GMEB2: variants seen among roughly 807,000 people sequenced by gnomAD.
GMEB2 encodes the protein glucocorticoid modulatory element binding protein 2.
GMEB2 carries 7 observed loss-of-function variants against 45.7 expected under a neutral mutation model. That is an observed-to-expected ratio of 0.15 (90% CI 0.09 to 0.29). The LOEUF (loss-of-function observed/expected upper bound fraction) is 0.29. GMEB2 is among the 10% of genes least tolerant of loss of function. The pLI is 1.00. For synonymous variants in GMEB2, 322 were observed against 323.6 expected (o/e 1.00, Z 0.05); for missense variants, 582 against 739.2 (o/e 0.79, Z 2.47).
At chr20:63,614,155 T>C (rs1350853335) in intron 2 of GMEB2, among the ~76,000 whole-genome samples, 1 of 152,118 alleles carries the variant, frequency 6.6e-6, no homozygotes, top group Non-Finnish European at 1.5e-5. Flanking sequence ...ATAAGAATAG[T>C]TATACTAGAT....
chr20:63,613,521 CTTT>C (rs11481490), intron 2 of GMEB2, among the ~76,000 whole-genome samples: 6 of 139,526 alleles, frequency 4.3e-5, no homozygotes, highest in African/African-American at 7.9e-5. Flanking sequence ...TTTTTGTTTT[CTTT>C]TTTTTTTTTT....
rs144767542 is a variant in GMEB2 at position 63,588,464 on chromosome 20, C to T, written c.*1625G>A. 1.1e-3 allele frequency: 328 copies of T among 306,928 alleles called. 2 individuals carry two copies. Among genetic ancestry groups the T allele is most frequent in the African/African-American group, 6.7e-3 (313 of 46,754 alleles). 19.0% of individuals were successfully genotyped at this position (306,928 alleles called of 1,614,324 possible). ...AACTAGAGTGGAAATGAGTTTAAAA[C>T]GGAGTATGTACATCAAAAGATCAAC... On this transcript the variant is annotated 3_prime_UTR_variant, in exon 10 of 10. Transcript: ENST00000370077.
chr20:63,592,543 C>G lies in GMEB2; in HGVS notation c.819G>C (p.Leu273=), dbSNP rs2083156532. Residue 273 remains leucine (L), a synonymous_variant, in exon 8 of 10, where the codon CTG becomes CTC. Transcript: ENST00000370077. This position sits in a 1 kb window ranked among gnomAD's most constrained non-coding sequence, Gnocchi z 8.2. ...GATGCAGCTTCTCACCTCGAAGCTG[C>G]AGGGGAGGGTCCTGGACCCGCTGCT... ...GLQQRVQDPP[L]QLRDAVLLNN... is the part of the protein sequence containing the mutation. 1.2e-6 allele frequency: 2 copies of G among 1,610,842 alleles called. No homozygotes were observed. The highest frequency in any genetic ancestry group is 1.3e-5 in the African/African-American group (1 of 74,790).
At chr20:63,620,507 A>G (rs1021889605) in intron 1 of GMEB2, among the ~76,000 whole-genome samples, 10 of 152,350 alleles carry the variant, frequency 6.6e-5, no homozygotes, top group African/African-American at 1.9e-4. Flanking sequence ...GATGGCACAC[A>G]GCTGTGTGTG....
chr20:63,595,666 G>C lies in GMEB2; in HGVS notation c.563C>G (p.Ser188Cys). Residue 188 changes from serine (S) to cysteine (C), a missense_variant, in exon 6 of 10, where the codon TCC (serine) becomes TGC (cysteine). Coordinates refer to ENST00000370077, the MANE Select transcript of GMEB2 (RefSeq NM_012384.5). ...CTCGGCCGACGTGGGGCTGCTCAGGGACACACGGGCTCCTGAGAGGTCAAT... is the reference window on the plus strand; with the variant it reads ...CTCGGCCGACGTGGGGCTGCTCAGGCACACACGGGCTCCTGAGAGGTCAAT... The part of the protein sequence containing the change: ...TKIDLSGARV[S>C]LSSPTSAEYI... 1 of 1,613,718 alleles carries C rather than the reference G, an allele frequency of 6.2e-7. No individual in the cohort carries two copies. The highest frequency in any genetic ancestry group is 8.5e-7 in the Non-Finnish European group (1 of 1,179,716).
At chr20:63,608,834 A>C (rs1156871424) in intron 2 of GMEB2, among the ~76,000 whole-genome samples, 11 of 25,200 alleles carry the variant, frequency 4.4e-4, no homozygotes, top group Admixed American at 1.7e-3. Flanking sequence ...CCTCTGACCC[A>C]CACCTCCATT....
Position 63,602,954 on chromosome 20 carries a change from C to G in GMEB2, c.357+11G>C. The G allele has an allele frequency of 6.2e-7, 1 of 1,612,932 alleles. No individual in the cohort carries two copies. The highest frequency in any genetic ancestry group is 2.2e-5 in the East Asian group (1 of 44,876). On this transcript the variant is annotated intron_variant, in intron 4 of 9. Transcript: ENST00000370077. ...CCTCTCTCCTGGGCCCTGAATGCAG[C>G]CTGTGCTCACCTGAACACATTTCAC... is the stretch of plus-strand genomic sequence containing the variant.
intron 2 of GMEB2, among the ~76,000 whole-genome samples, chr20:63,606,452 A>C (rs1310917255): frequency 2.0e-5 from 3 of 149,842 alleles, no homozygotes; most frequent in Non-Finnish European, 4.4e-5. Flanking sequence ...GGTTCACACC[A>C]TTCTCCTGCC....
At chr20:63,616,405 C>T (rs1325861028) in intron 2 of GMEB2, among the ~76,000 whole-genome samples, 1 of 152,210 alleles carries the variant, frequency 6.6e-6, no homozygotes, top group African/African-American at 2.4e-5. Flanking sequence ...GATCATGCCA[C>T]TGCACTCCAG....
intron 2 of GMEB2, among the ~76,000 whole-genome samples, chr20:63,612,986 C>G (rs1351537657): frequency 6.6e-6 from 1 of 151,694 alleles, no homozygotes; most frequent in Non-Finnish European, 1.5e-5. Context: ...TTCGGAGACG[C>G]AGTCTCACTC....
rs1486925254 is a variant in GMEB2, at chr20:63,619,696, G to C, written c.-57-242C>G. 9 of 229,660 alleles carry C rather than the reference G, an allele frequency of 3.9e-5. No individual in the cohort carries two copies. The highest frequency in any genetic ancestry group is 7.8e-5 in the Non-Finnish European group (9 of 115,980). 14.2% of individuals were successfully genotyped at this position (229,660 alleles called of 1,614,324 possible). On this transcript the variant is annotated intron_variant, in intron 1 of 9. Coordinates refer to ENST00000370077, the MANE Select transcript of GMEB2 (RefSeq NM_012384.5). This position sits in a 1 kb window ranked among gnomAD's most constrained non-coding sequence, Gnocchi z 4.6. The stretch of plus-strand genomic sequence containing the variant: ...GAAACCCTTGGGTAGAAAGCACAGA[G>C]CCACTCCCTCCACGTGGGGCTCAGA...
chr20:63,604,979 G>A (rs904982259), intron 2 of GMEB2, 139 bp from the exon 3 acceptor site: 12 of 618,464 alleles, frequency 1.9e-5, no homozygotes, highest in Admixed American at 4.5e-5. Flanking sequence ...GGCCGGGTGC[G>A]GTGGCTCAAG....
chr20:63,595,995 A>G (rs1173276136), intron 5 of GMEB2, among the ~76,000 whole-genome samples: 2 of 152,184 alleles, frequency 1.3e-5, no homozygotes, highest in African/African-American at 4.8e-5. Flanking sequence ...CACTGTCCCC[A>G]GGAAGGGGGC....
chr20:63,602,426 C>G lies in GMEB2; in HGVS notation c.357+539G>C, dbSNP rs2146066872. On this transcript the variant is annotated intron_variant, in intron 4 of 9. Coordinates refer to ENST00000370077, the MANE Select transcript of GMEB2 (RefSeq NM_012384.5). ...CTCCAGCCCTGCAAGGCTGGGAAAA[C>G]CAAGCTCAGGCCAAGGCTCTCAGGG... 3.3e-5 allele frequency among the ~76,000 whole-genome samples: 5 copies of G among 152,346 alleles called. 2 individuals carry two copies. In the South Asian group the frequency reaches 1.0e-3, roughly 32 times the overall value.
At chr20:63,610,676 GAGA>G (rs1358234742) in intron 2 of GMEB2, among the ~76,000 whole-genome samples, 1 of 152,224 alleles carries the variant, frequency 6.6e-6, no homozygotes, top group Admixed American at 6.5e-5. Context: ...TCTCTTCTCA[GAGA>G]AGAAGGCGCA....
At position 63,604,771 on chromosome 20, in the gene GMEB2, G is replaced by A. The variant is rs1051161685; in HGVS notation, c.201C>T (p.Ala67=). The A allele has an allele frequency of 6.2e-6, 10 of 1,609,828 alleles. No homozygotes were observed. Among genetic ancestry groups the A allele is most frequent in the Non-Finnish European group, 8.5e-6 (10 of 1,176,232 alleles). ...ACACGGCTTCCTTGAGCTGGGAGGA[G>A]GCTGTGAAGGCCGCGGCAGCTGCTG... ...AAAAAAAAFT[A]SSQLKEAVLV... The change falls in exon 3 of 10, where the codon GCC becomes GCT. Residue 67 remains alanine (A), a synonymous_variant. Transcript: ENST00000370077.
At chr20:63,626,688 G>A (rs1487030769) in intron 1 of GMEB2, among the ~76,000 whole-genome samples, 1 of 151,310 alleles carries the variant, frequency 6.6e-6, no homozygotes, top group African/African-American at 2.4e-5. Flanking sequence ...CACCGAGGAG[G>A]CCGCTGGAGG....
intron 2 of GMEB2, among the ~76,000 whole-genome samples, chr20:63,612,228 T>A (rs1188296187): frequency 6.6e-6 from 1 of 152,214 alleles, no homozygotes; most frequent in Non-Finnish European, 1.5e-5. Context: ...TGGTTGTCAC[T>A]CTTCCCTCAC....
Position 63,590,278 on chromosome 20 carries a change from C to T in GMEB2, c.1404G>A (p.Val468=). 1 of 1,612,768 alleles carries T rather than the reference C, an allele frequency of 6.2e-7. No individual in the cohort carries two copies. Among genetic ancestry groups the T allele is most frequent in the Non-Finnish European group, 8.5e-7 (1 of 1,179,840 alleles). ...GCTGTAGCGGGCTGACCACCTTGAA[C>T]ACCGTGCTACCGTCCTGCACGGCGG... ...STAAVQDGST[V]FKVVSPLQLL... Residue 468 remains valine, a synonymous_variant, in exon 10 of 10, where the codon GTG becomes GTA. Coordinates refer to ENST00000370077, the MANE Select transcript of GMEB2 (RefSeq NM_012384.5).
Sources: gnomAD v4.1 joint callset for allele counts (sites outside exome capture counted in the v4.1 genomes callset) on GRCh38, gnomAD v4.1.1 for gene constraint, Gnocchi (gnomAD v3.1) non-coding constraint, MANE v1.5 for transcripts, NCBI Gene and HGNC (gene_info 2026-07-23, HGNC 2026-07-21) for gene names.